Variants in KCNJ10 observed in about 807,000 individuals in gnomAD.
The protein encoded by KCNJ10 is ATP-sensitive inward rectifier potassium channel 10.
KCNJ10 carries 9 observed loss-of-function variants against 22.2 expected under a neutral mutation model. The ratio of observed to expected loss-of-function variants is 0.40; its 90% CI spans 0.24 to 0.71. The LOEUF is 0.71. Ranked by LOEUF, KCNJ10 falls within the 30% of genes least tolerant of loss-of-function variation. The pLI, the probability that KCNJ10 is intolerant of heterozygous loss-of-function variation, is 0.35. For synonymous variants in KCNJ10, 184 were observed against 187.3 expected (o/e 0.98, Z 0.15); for missense variants, 337 against 482.7 (o/e 0.70, Z 2.83).
At chr1:160,054,518 A>G (rs185130110) in intron 1 of KCNJ10, among the ~76,000 whole-genome samples, 149 of 152,154 alleles carry the variant, frequency 9.8e-4, no homozygotes, top group Non-Finnish European at 1.8e-3. Context: ...TATAGAAATA[A>G]CTCTTGTTGC....
At chr1:160,042,846 A>G (rs577211488) in intron 1 of KCNJ10, among the ~76,000 whole-genome samples, 95 of 151,936 alleles carry the variant, frequency 6.3e-4, no homozygotes, top group African/African-American at 2.2e-3. Flanking sequence ...CTGAGGCAGG[A>G]GAATCGCTTG....
intron 1 of KCNJ10, among the ~76,000 whole-genome samples, chr1:160,043,949 C>A (rs577339765): frequency 1.3e-5 from 2 of 152,168 alleles, no homozygotes; most frequent in African/African-American, 2.4e-5. Flanking sequence ...GGAGTTTAGC[C>A]CTTCTTGGAG....
chr1:160,063,285 G>A (rs1649244444), intron 1 of KCNJ10, among the ~76,000 whole-genome samples: 1 of 152,220 alleles, frequency 6.6e-6, no homozygotes, highest in Non-Finnish European at 1.5e-5. Flanking sequence ...GGGCTCCTGG[G>A]CCTTGGGTGG....
At chr1:160,055,621 G>A (rs964398296) in intron 1 of KCNJ10, among the ~76,000 whole-genome samples, 27 of 152,102 alleles carry the variant, frequency 1.8e-4, no homozygotes, top group Non-Finnish European at 3.2e-4. Flanking sequence ...CAGAGGTGAC[G>A]GGAGAGTTCC....
At chr1:160,048,492 A>G (rs1469548726) in intron 1 of KCNJ10, among the ~76,000 whole-genome samples, 1 of 152,212 alleles carries the variant, frequency 6.6e-6, no homozygotes, top group Non-Finnish European at 1.5e-5. Flanking sequence ...ACTAGAGAAG[A>G]TGCTTCAACC....
chr1:160,061,773 A>AGGGGGGGGGGGG (rs1553236597), intron 1 of KCNJ10, among the ~76,000 whole-genome samples: 1 of 21,844 alleles, frequency 4.6e-5, no homozygotes, highest in Non-Finnish European at 9.1e-5. Flanking sequence ...GGGTGGAGGG[A>AGGGGGGGGGGGG]GGGTGGGTGT....
rs769464065 is a variant in KCNJ10 at position 160,042,454 on chromosome 1, G to A, written c.79C>T (p.Arg27Trp). ...SRPLMGPGIR[R>W]RRVLTKDGRS... ...CCATCTTTTGTCAGGACTCTCCGCC[G>A]TCGTATCCCTGGGCCCATTAGGGGC... is the stretch of plus-strand genomic sequence containing the variant. The change falls in exon 2 of 2, where the codon CGG becomes TGG. Residue 27 changes from arginine (R) to tryptophan (W), a missense_variant. Coordinates refer to ENST00000644903, the MANE Select transcript of KCNJ10 (RefSeq NM_002241.5). 32 of 1,614,000 alleles carry A rather than the reference G, an allele frequency of 2.0e-5. No homozygotes were observed. Among genetic ancestry groups the A allele is most frequent in the Admixed American group, 3.3e-5 (2 of 60,002 alleles).
At chr1:160,050,226 T>C (rs1648867619) in intron 1 of KCNJ10, among the ~76,000 whole-genome samples, 1 of 151,996 alleles carries the variant, frequency 6.6e-6, no homozygotes, top group Non-Finnish European at 1.5e-5. Context: ...CTCGACCTCC[T>C]GGGCTCAAGT....
At chr1:160,055,727 T>G (rs1253647800) in intron 1 of KCNJ10, among the ~76,000 whole-genome samples, 1 of 152,246 alleles carries the variant, frequency 6.6e-6, no homozygotes, top group Non-Finnish European at 1.5e-5. Flanking sequence ...CTCGGGGTTC[T>G]TTCTCTACCT....
At chr1:160,060,921 A>G (rs970044146) in intron 1 of KCNJ10, among the ~76,000 whole-genome samples, 1 of 152,190 alleles carries the variant, frequency 6.6e-6, no homozygotes, top group Non-Finnish European at 1.5e-5. Flanking sequence ...GTTACTTTCC[A>G]GTGATCCAGA....
Position 160,041,240 on chromosome 1 carries a change from T to A in KCNJ10, c.*153A>T, listed in dbSNP as rs942950199. On this transcript the variant is annotated 3_prime_UTR_variant, in exon 2 of 2. Coordinates refer to ENST00000644903, the MANE Select transcript of KCNJ10 (RefSeq NM_002241.5). This position sits in a 1 kb window ranked among gnomAD's most constrained non-coding sequence, Gnocchi z 4.4. ...GTGGGAGGCGAACCTGGACTCCAGT[T>A]GGCCTAAGCTACCAACAGGCCACTG... 2 of 737,320 alleles carry A rather than the reference T, an allele frequency of 2.7e-6. No homozygotes were observed. Among genetic ancestry groups the A allele is most frequent in the African/African-American group, 3.5e-5 (2 of 57,280 alleles). 45.7% of individuals were successfully genotyped at this position (737,320 alleles called of 1,614,324 possible). A position where few individuals can be genotyped will look rare whatever the true frequency, so the allele number is the denominator to read the frequency against.
rs770783053 is a variant in KCNJ10 at position 160,042,038 on chromosome 1, G to A, written c.495C>T (p.Phe165=). The part of the protein sequence containing the change: ...TILEIFITGT[F]LAKIARPKKR... ...TCTTGGGCCGGGCAATCTTCGCCAG[G>A]AAGGTACCTGTGATGAAGATTTCCA... is the stretch of plus-strand genomic sequence containing the variant. The change falls in exon 2 of 2, where the codon TTC becomes TTT. Residue 165 remains phenylalanine, a synonymous_variant. Coordinates refer to ENST00000644903, the MANE Select transcript of KCNJ10 (RefSeq NM_002241.5). The A allele has an allele frequency of 2.6e-6, 4 of 1,559,868 alleles. No individual in the cohort carries two copies. The South Asian group carries it at 3.7e-5, about 14-fold the overall frequency.
At chr1:160,043,316 A>ACCCAC (rs1553235209) in intron 1 of KCNJ10, among the ~76,000 whole-genome samples, 1 of 142,380 alleles carries the variant, frequency 7.0e-6, no homozygotes, top group African/African-American at 2.6e-5. Flanking sequence ...CACACACACA[A>ACCCAC]CCTTAATTTC....
At chr1:160,058,635 G>T (rs1347168976) in intron 1 of KCNJ10, among the ~76,000 whole-genome samples, 1 of 152,152 alleles carries the variant, frequency 6.6e-6, no homozygotes, top group South Asian at 2.1e-4. Flanking sequence ...TGAATGAAAA[G>T]TAGGAAGAAG....
Position 160,041,997 on chromosome 1 carries a change from A to G in KCNJ10, c.536T>C (p.Ile179Thr). Residue 179 changes from isoleucine (I) to threonine (T), a missense_variant, in exon 2 of 2, where the codon ATT (isoleucine) becomes ACT (threonine). Transcript: ENST00000644903. This position sits in a 1 kb window ranked among gnomAD's most constrained non-coding sequence, Gnocchi z 4.4. ...IARPKKRAET[I>T]RFSQHAVVAS... ...CACAACTGCATGCTGGCTGAAACGAATGGTCTCAGCCCGCTTCTTGGGCCG... is the reference window on the plus strand; with the variant it reads ...CACAACTGCATGCTGGCTGAAACGAGTGGTCTCAGCCCGCTTCTTGGGCCG... 6.3e-7 allele frequency: 1 copy of G among 1,586,680 alleles called. No homozygotes were observed. Among genetic ancestry groups the G allele is most frequent in the Non-Finnish European group, 8.6e-7 (1 of 1,164,876 alleles).
intron 1 of KCNJ10, among the ~76,000 whole-genome samples, chr1:160,054,075 G>A (rs956197478): frequency 6.6e-6 from 1 of 152,206 alleles, no homozygotes; most frequent in Non-Finnish European, 1.5e-5. Flanking sequence ...CCACAGGATG[G>A]CATCTTGGGG....
At position 160,063,438 on chromosome 1, in the gene KCNJ10, C is replaced by G. The variant is rs1649247297; in HGVS notation, c.-1+6584G>C. On this transcript the variant is annotated intron_variant, in intron 1 of 1. Transcript: ENST00000644903. ...CTGCTCCCCACACGGCAAGACAGAA[C>G]AATCTCTGGGCTTGAAAATGTCTTC... 2.0e-5 allele frequency: 3 copies of G among 152,262 alleles called. No individual in the cohort carries two copies. The South Asian group carries it at 6.2e-4, about 31-fold the overall frequency. 9.4% of individuals were successfully genotyped at this position (152,262 alleles called of 1,614,324 possible). A position where few individuals can be genotyped will look rare whatever the true frequency, so the allele number is the denominator to read the frequency against.
chr1:160,039,186 G>A lies in KCNJ10; in HGVS notation c.*2207C>T, dbSNP rs952297711. On this transcript the variant is annotated 3_prime_UTR_variant, in exon 2 of 2. Transcript: ENST00000644903. The stretch of plus-strand genomic sequence containing the variant: ...GATTTAAAGTGCAACTTAAAGCAAA[G>A]CCTGGGTAATAATGGAGGAGATTCC... 6.5e-6 allele frequency: 1 copy of A among 152,674 alleles called. No individual in the cohort carries two copies. Among genetic ancestry groups the A allele is most frequent in the Non-Finnish European group, 1.5e-5 (1 of 68,074 alleles). The allele number at this position is 152,674 out of a possible 1,614,324, so 9.5% of individuals were successfully genotyped here. A position where few individuals can be genotyped will look rare whatever the true frequency, so the allele number is the denominator to read the frequency against.
chr1:160,051,735 G>C (rs992225358), intron 1 of KCNJ10, among the ~76,000 whole-genome samples: 1 of 151,996 alleles, frequency 6.6e-6, no homozygotes, highest in African/African-American at 2.4e-5. Flanking sequence ...GTTTCTCCTA[G>C]TTTTGCATGA....
Sources: gnomAD v4.1 joint callset for allele counts (sites outside exome capture counted in the v4.1 genomes callset) on GRCh38, gnomAD v4.1.1 for gene constraint, Gnocchi (gnomAD v3.1) non-coding constraint, MANE v1.5 for transcripts, NCBI Gene and HGNC (gene_info 2026-07-23, HGNC 2026-07-21) for gene names.